The following DLG2 variants were observed in gnomAD, a reference collection of about 807,000 sequenced individuals.
DLG2 encodes disks large homolog 2.
In DLG2, 45 loss-of-function variants were observed where a neutral mutation model predicts 132.5. That is an observed-to-expected ratio of 0.34 (90% CI 0.27 to 0.44). The LOEUF is 0.44. Ranked by LOEUF, DLG2 falls within the 20% of genes least tolerant of loss-of-function variation. DLG2 has a pLI of 1.00. For missense variants in DLG2, 1,045 were observed against 1,196.9 expected (o/e 0.87, Z 1.87); for synonymous variants, 424 against 419.6 (o/e 1.01, Z -0.13).
chr11:84,599,315 A>G (rs1181726315), intron 6 of DLG2, among the ~76,000 whole-genome samples: 1 of 152,190 alleles, frequency 6.6e-6, no homozygotes, highest in East Asian at 1.9e-4. Flanking sequence ...ACGAGGGACT[A>G]TGAAAACTGT....
In DLG2 at chr11:85,215,221, TTG is replaced by T. The variant is rs1280866587; in HGVS notation, c.187-60572_187-60571del. ...GGAGGTGTTTGATGTTATAAGTCCA[TTG>T]TGACTGAATAAAAAATTACAGACCA... On this transcript the variant is annotated intron_variant, in intron 4 of 27. Transcript: ENST00000376104. Among the ~76,000 whole-genome samples, 3 of 152,182 alleles carry T rather than the reference TTG, an allele frequency of 2.0e-5. No homozygotes were observed. The East Asian group carries it at 5.8e-4, about 29-fold the overall frequency.
chr11:84,822,520 GA>G (rs1414275095), intron 6 of DLG2, among the ~76,000 whole-genome samples: 1 of 151,872 alleles, frequency 6.6e-6, no homozygotes, highest in Non-Finnish European at 1.5e-5. Context: ...AGTTGTTTAT[GA>G]AACATTAGGA....
chr11:85,459,604 G>A (rs1368810569), intron 3 of DLG2, among the ~76,000 whole-genome samples: 1 of 152,078 alleles, frequency 6.6e-6, no homozygotes, highest in Non-Finnish European at 1.5e-5. Flanking sequence ...AAGAGTAAGG[G>A]GTGGGAGCTC....
intron 6 of DLG2, among the ~76,000 whole-genome samples, chr11:84,714,579 C>CTCTTTCTCTTTCTCTT (rs1445154267): frequency 3.0e-5 from 4 of 132,060 alleles, no homozygotes; most frequent in Non-Finnish European, 6.2e-5. Context: ...CTTTCTCTTT[C>CTCTTTCTCTTTCTCTT]TCTTTCTCTT....
chr11:84,240,544 C>A (rs1444053306), intron 8 of DLG2, among the ~76,000 whole-genome samples: 1 of 152,084 alleles, frequency 6.6e-6, no homozygotes, highest in African/African-American at 2.4e-5. Context: ...TAACAATCTC[C>A]CATGATTGAA....
intron 7 of DLG2, among the ~76,000 whole-genome samples, chr11:84,447,105 CAA>C (rs36008405): frequency 0.031 from 4,767 of 152,222 alleles, 215 homozygotes; most frequent in African/African-American, 0.094. Context: ...AAATGTTAGT[CAA>C]AAGTCACCAT....
chr11:83,458,343 T>A lies in DLG2; in HGVS notation c.*1475A>T, dbSNP rs960649606. On this transcript the variant is annotated 3_prime_UTR_variant, in exon 28 of 28. Coordinates refer to ENST00000376104, the MANE Select transcript of DLG2 (RefSeq NM_001142699.3). Reference sequence around the variant, plus strand: ...TTTTAAATCATCGTTATTATAATTGTTAAAAAATAAACTTGGTCCAGGTGC... The same window carrying A: ...TTTTAAATCATCGTTATTATAATTGATAAAAAATAAACTTGGTCCAGGTGC... 7.0e-6 allele frequency: 1 copy of A among 143,356 alleles called. No individual in the cohort carries two copies. Among genetic ancestry groups the A allele is most frequent in the African/African-American group, 2.5e-5 (1 of 40,432 alleles). The allele number at this position is 143,356 out of a possible 1,614,324, so 8.9% of individuals were successfully genotyped here. A position where few individuals can be genotyped will look rare whatever the true frequency, so the allele number is the denominator to read the frequency against.
intron 5 of DLG2, among the ~76,000 whole-genome samples, chr11:85,129,278 A>C (rs1312934735): frequency 6.6e-6 from 1 of 152,180 alleles, no homozygotes; most frequent in Non-Finnish European, 1.5e-5. Flanking sequence ...TACTCTGATG[A>C]TTTCCTAGTC....
intron 21 of DLG2, among the ~76,000 whole-genome samples, chr11:83,523,384 T>G (rs1468188779): frequency 6.6e-6 from 1 of 152,206 alleles, no homozygotes; most frequent in African/African-American, 2.4e-5. Context: ...AGTCTTACCA[T>G]CAGTACTTGA....
chr11:85,021,493 A>G (rs2060061636), intron 6 of DLG2: 1 of 1,465,262 alleles, frequency 6.8e-7, no homozygotes, highest in East Asian at 2.3e-5. Context: ...ATACTGAAAG[A>G]AGGCAAAGCC....
intron 18 of DLG2, among the ~76,000 whole-genome samples, chr11:83,670,607 T>TAA (rs951259217): frequency 1.4e-5 from 2 of 145,984 alleles, no homozygotes; most frequent in African/African-American, 2.5e-5. Context: ...GACATTTCTT[T>TAA]AAAAAAAAAA....
intron 11 of DLG2, among the ~76,000 whole-genome samples, chr11:84,014,739 A>G (rs547703218): frequency 7.9e-5 from 12 of 152,284 alleles, no homozygotes; most frequent in African/African-American, 2.9e-4. Flanking sequence ...TATGAAAGGC[A>G]TGATTTTACA....
chr11:83,689,404 A>G (rs1225077544), intron 18 of DLG2, among the ~76,000 whole-genome samples: 1 of 152,216 alleles, frequency 6.6e-6, no homozygotes, highest in Non-Finnish European at 1.5e-5. Context: ...ACTTGATAGT[A>G]GGAATACCAG....
chr11:84,621,813 G>A (rs1017159350), intron 6 of DLG2, among the ~76,000 whole-genome samples: 4 of 152,078 alleles, frequency 2.6e-5, no homozygotes, highest in African/African-American at 4.8e-5. Flanking sequence ...GTGTGTGGCT[G>A]TAAGATGCTT....
intron 14 of DLG2, among the ~76,000 whole-genome samples, chr11:83,943,242 T>C (rs1352555647): frequency 6.6e-6 from 1 of 152,160 alleles, no homozygotes; most frequent in Non-Finnish European, 1.5e-5. Context: ...ACCCCTTAAA[T>C]ATATAAAAAT....
chr11:83,958,418 G>T (rs57800120), intron 14 of DLG2, among the ~76,000 whole-genome samples: 2,532 of 152,086 alleles, frequency 0.017, 53 homozygotes, highest in African/African-American at 0.058. Context: ...TGATGTGAGG[G>T]ACCAATAAGT....
At chr11:84,174,014 C>CTTTTTTTTTT (rs11338428) in intron 8 of DLG2, among the ~76,000 whole-genome samples, 1,283 of 61,182 alleles carry the variant, frequency 0.021, 234 homozygotes, top group African/African-American at 0.032. Flanking sequence ...ACCCCCCGGC[C>CTTTTTTTTTT]TTTTTTTTTT....
At chr11:84,912,452 G>A (rs950367301) in intron 6 of DLG2, among the ~76,000 whole-genome samples, 2 of 152,172 alleles carry the variant, frequency 1.3e-5, no homozygotes, top group African/African-American at 4.8e-5. Flanking sequence ...CACTGCTCCC[G>A]GCCTTTACTG....
At chr11:84,607,387 C>T (rs1022564990) in intron 6 of DLG2, among the ~76,000 whole-genome samples, 1 of 152,112 alleles carries the variant, frequency 6.6e-6, no homozygotes, top group Non-Finnish European at 1.5e-5. Flanking sequence ...CCTTCCACTT[C>T]TTGATGCATA....
Sources: allele counts gnomAD v4.1 joint callset (sites outside exome capture counted in the v4.1 genomes callset), GRCh38; gene constraint gnomAD v4.1.1; transcripts MANE v1.5; gene names NCBI Gene and HGNC (gene_info 2026-07-23, HGNC 2026-07-21).